Variants in MYO15B observed in about 807,000 individuals in gnomAD.
The protein encoded by MYO15B is myosin XVB, also known as myosin XVB pseudogene.
MYO15B carries 207 observed loss-of-function variants against 119.3 expected under a neutral mutation model. The ratio of observed to expected loss-of-function variants is 1.73; its 90% CI spans 1.55 to 1.95. The LOEUF is 1.95. MYO15B is among the 30% of genes most tolerant of loss of function. MYO15B has a pLI of 0.00. For missense variants in MYO15B, 2,264 were observed against 1,203.1 expected (o/e 1.88, Z -13.04); for synonymous variants, 966 against 498.9 (o/e 1.94, Z -12.48).
In MYO15B at chr17:75,616,790, G is replaced by GCCCCCACGGGGAGGTGGC. The variant is rs954569332; in HGVS notation, c.6506+7_6506+24dup. On this transcript the variant is annotated splice_donor_region_variant and intron_variant, in intron 39 of 63. Transcript: ENST00000645453. ...TGTGCCCGTGCAGCCATCCAGGTGG[G>GCCCCCACGGGGAGGTGGC]CCCCCACGGGGAGGTGGCCAGGGCT... 3.8e-5 allele frequency: 27 copies of GCCCCCACGGGGAGGTGGC among 702,886 alleles called. 1 individual carries two copies. The highest frequency in any genetic ancestry group is 4.9e-5 in the Non-Finnish European group (19 of 385,006). 43.5% of individuals were successfully genotyped at this position (702,886 alleles called of 1,614,324 possible). A position where few individuals can be genotyped will look rare whatever the true frequency, so the allele number is the denominator to read the frequency against.
chr17:75,616,821 G>A (rs1051902879), intron 39 of MYO15B, 36 bp downstream of exon 39: 15 of 702,896 alleles, frequency 2.1e-5, no homozygotes, highest in East Asian at 1.1e-4. Flanking sequence ...GGGCTGTCCC[G>A]CTCCTCGGGG....
chr17:75,590,947 G>A (rs1415406737), exon 3 of MYO15B: 10 of 545,780 alleles, frequency 1.8e-5, no homozygotes, highest in South Asian at 4.2e-5. Context: ...AACCCCCACC[G>A]GTCCTTGCCT....
chr17:75,601,660 G>C, intron 15 of MYO15B, 97 bp downstream of exon 15: 1 of 648,422 alleles, frequency 1.5e-6, no homozygotes, highest in Non-Finnish European at 2.8e-6. Context: ...GGTGTGGGGA[G>C]GCCCCTTGCA....
exon 49 of MYO15B, chr17:75,620,521 T>C: frequency 1.4e-6 from 1 of 702,794 alleles, no homozygotes; most frequent in South Asian, 1.5e-5. Context: ...GCCGACATAG[T>C]GCAGCCGGCT....
exon 15 of MYO15B, chr17:75,601,533 G>A: frequency 2.8e-6 from 2 of 703,154 alleles, no homozygotes; most frequent in Non-Finnish European, 5.2e-6. Context: ...TGTTCACCGT[G>A]CGACATTATG....
intron 12 of MYO15B, 81 bp downstream of exon 12, chr17:75,595,053 C>G: frequency 1.5e-6 from 1 of 676,348 alleles, no homozygotes; most frequent in Admixed American, 2.1e-5. Flanking sequence ...AGCTCCAGCT[C>G]TCCCTGGGGG....
chr17:75,592,016 G>T, exon 6 of MYO15B: 4 of 702,820 alleles, frequency 5.7e-6, no homozygotes, highest in East Asian at 5.4e-5. Context: ...CTTTGGCCAT[G>T]CCAAGACCAT....
intron 15 of MYO15B, among the ~76,000 whole-genome samples, chr17:75,602,109 T>C (rs1460685045): frequency 6.6e-6 from 1 of 152,200 alleles, no homozygotes; most frequent in Non-Finnish European, 1.5e-5. Context: ...CAGTTCTCCC[T>C]GGAGGAGATG....
chr17:75,610,781 C>G, intron 22 of MYO15B, 119 bp from the exon 23 acceptor site: 1 of 681,104 alleles, frequency 1.5e-6, no homozygotes, highest in Non-Finnish European at 2.7e-6. Flanking sequence ...GATCTGTTCT[C>G]ACTCCTTTGC....
intron 9 of MYO15B, among the ~76,000 whole-genome samples, chr17:75,594,214 G>A (rs1411248321): frequency 6.6e-6 from 1 of 152,084 alleles, no homozygotes; most frequent in Non-Finnish European, 1.5e-5. Flanking sequence ...AAGGGTTACT[G>A]CTTCCCCTTT....
chr17:75,595,129 A>AG, intron 12 of MYO15B, 157 bp downstream of exon 12: 1 of 614,350 alleles, frequency 1.6e-6, no homozygotes, highest in South Asian at 1.9e-5. Context: ...TGCTGGGCTG[A>AG]GCCTGCTGGG....
chr17:75,588,057 C>T (rs2056177616), exon 1 of MYO15B: 1 of 398,456 alleles, frequency 2.5e-6, no homozygotes. Context: ...TTGGGCCAGC[C>T]ATGGGCAGGA....
intron 45 of MYO15B, 54 bp from the exon 46 acceptor site, chr17:75,619,627 C>T: frequency 1.4e-6 from 1 of 698,820 alleles, no homozygotes; most frequent in Admixed American, 2.0e-5. Context: ...TCCAGGGCAT[C>T]TTGGGCAGTA....
intron 14 of MYO15B, among the ~76,000 whole-genome samples, chr17:75,601,125 G>C (rs922368664): frequency 2.0e-5 from 3 of 151,448 alleles, no homozygotes; most frequent in Admixed American, 6.6e-5. Flanking sequence ...GGCTGGTCTC[G>C]AACTCCTGAC....
intron 14 of MYO15B, 141 bp from the exon 15 acceptor site, chr17:75,601,297 C>G: frequency 1.7e-6 from 1 of 588,866 alleles, no homozygotes; most frequent in Non-Finnish European, 3.1e-6. Flanking sequence ...CCTCGGCCTC[C>G]CAAAGCGCTT....
chr17:75,588,022 C>T, exon 1 of MYO15B: 1 of 398,434 alleles, frequency 2.5e-6, no homozygotes, highest in East Asian at 3.6e-5. Flanking sequence ...GGGAAAGGAC[C>T]TGGGCGTCGG....
chr17:75,602,170 C>A, intron 15 of MYO15B: 1 of 364,218 alleles, frequency 2.7e-6, no homozygotes, highest in Non-Finnish European at 5.2e-6. Context: ...GAGTTGCCCC[C>A]AAAAAAGAAA....
chr17:75,625,176 G>A (rs751449428), exon 60 of MYO15B: 39 of 702,362 alleles, frequency 5.6e-5, no homozygotes, highest in South Asian at 2.1e-4. Context: ...AGGCAGACGC[G>A]CAGCTCGCCA....
chr17:75,595,056 C>T (rs1252744771), intron 12 of MYO15B, 84 bp downstream of exon 12: 2 of 669,590 alleles, frequency 3.0e-6, no homozygotes, highest in African/African-American at 3.5e-5. Context: ...TCCAGCTCTC[C>T]CTGGGGGCAC....
Sources: gnomAD v4.1 joint callset for allele counts (sites outside exome capture counted in the v4.1 genomes callset) on GRCh38, gnomAD v4.1.1 for gene constraint, MANE v1.5 for transcripts, NCBI Gene and HGNC (gene_info 2026-07-23, HGNC 2026-07-21) for gene names.